HMCN1: variants seen among roughly 807,000 people sequenced by gnomAD.
HMCN1 encodes hemicentin-1.
HMCN1 carries 321 observed loss-of-function variants against 625.9 expected under a neutral mutation model. The ratio of observed to expected loss-of-function variants is 0.51; its 90% CI spans 0.47 to 0.56. The LOEUF (loss-of-function observed/expected upper bound fraction) is 0.56. Among genes scored for constraint, HMCN1 ranks in the 20% least tolerant of loss-of-function variants. The pLI is 0.00. For missense variants in HMCN1, 6,588 were observed against 6,887.3 expected (o/e 0.96, Z 1.54); for synonymous variants, 2,425 against 2,417.6 (o/e 1.00, Z -0.09).
At chr1:185,971,156 C>G (rs1322454181) in intron 15 of HMCN1, among the ~76,000 whole-genome samples, 2 of 152,090 alleles carry the variant, frequency 1.3e-5, no homozygotes, top group Non-Finnish European at 2.9e-5. Flanking sequence ...ATTCTGCCAC[C>G]GAATTTCTAA....
chr1:186,025,460 C>T (rs746130951), intron 36 of HMCN1, among the ~76,000 whole-genome samples: 17 of 152,286 alleles, frequency 1.1e-4, no homozygotes, highest in Non-Finnish European at 2.2e-4. Context: ...TCTCCTGAAA[C>T]AGCACCTCTA....
chr1:186,074,161 T>C lies in HMCN1; in HGVS notation c.8140-580T>C, dbSNP rs529879128. Among the ~76,000 whole-genome samples the C allele has an allele frequency of 3.9e-5, 6 of 152,190 alleles. No homozygotes were observed. The East Asian group carries it at 1.2e-3, about 29-fold the overall frequency. On this transcript the variant is annotated intron_variant, in intron 52 of 106. Coordinates refer to ENST00000271588, the MANE Select transcript of HMCN1 (RefSeq NM_031935.3). ...GAGATGTTCTATTAGCTATAGGCAA[T>C]GTTACTGATAAAACACCATAATACG...
At chr1:186,184,133 G>A (rs1195628403) in intron 105 of HMCN1, among the ~76,000 whole-genome samples, 1 of 152,162 alleles carries the variant, frequency 6.6e-6, no homozygotes, top group East Asian at 1.9e-4. Context: ...GCTACAGAGA[G>A]TGGAAAATGA....
chr1:185,744,948 C>T (rs1321669), intron 1 of HMCN1, among the ~76,000 whole-genome samples: 52,246 of 151,808 alleles, frequency 0.34, 10,382 homozygotes, highest in African/African-American at 0.54. Context: ...CCATCACAAT[C>T]CAGGGGGAAA....
chr1:185,972,146 T>C (rs1412452657), intron 15 of HMCN1, among the ~76,000 whole-genome samples: 2 of 152,254 alleles, frequency 1.3e-5, no homozygotes, highest in Non-Finnish European at 2.9e-5. Flanking sequence ...AGATATTTTA[T>C]GTTTACTCAA....
intron 6 of HMCN1, among the ~76,000 whole-genome samples, chr1:185,914,605 C>T (rs1166250219): frequency 2.0e-5 from 3 of 151,950 alleles, no homozygotes; most frequent in Admixed American, 2.0e-4. Context: ...TCTCTTACCC[C>T]ATGCTTTCTT....
At chr1:185,850,646 C>T (rs550245006) in intron 2 of HMCN1, among the ~76,000 whole-genome samples, 2 of 152,132 alleles carry the variant, frequency 1.3e-5, no homozygotes, top group Admixed American at 1.3e-4. Context: ...GATACAGACA[C>T]TCTATAAGAT....
chr1:186,119,406 A>T (rs1468292491), intron 78 of HMCN1, 108 bp downstream of exon 78: 3 of 876,472 alleles, frequency 3.4e-6, no homozygotes, highest in Non-Finnish European at 5.9e-6. Context: ...GAACCATAGT[A>T]ATATCTTGGG....
In HMCN1 at chr1:185,964,862, C is replaced by T. The variant is rs370426191; in HGVS notation, c.2099-940C>T. On this transcript the variant is annotated intron_variant, in intron 13 of 106. Transcript: ENST00000271588. ...ATAGCTTTAGGAAAGGCAAAGAAGA[C>T]AGGAGAGTAAAAGTCTGTTGTATTT... 5.3e-5 allele frequency among the ~76,000 whole-genome samples: 8 copies of T among 152,086 alleles called. No homozygotes were observed. The East Asian group carries it at 1.6e-3, about 29-fold the overall frequency.
At chr1:185,754,280 A>G (rs1165715311) in intron 1 of HMCN1, among the ~76,000 whole-genome samples, 1 of 152,174 alleles carries the variant, frequency 6.6e-6, no homozygotes, top group African/African-American at 2.4e-5. Flanking sequence ...GAATGGGAAG[A>G]TGTTGGTGAA....
Position 186,171,999 on chromosome 1 carries a change from T to G in HMCN1, c.15689-7T>G, listed in dbSNP as rs370901552. 17 of 1,612,988 alleles carry G rather than the reference T, an allele frequency of 1.1e-5. No homozygotes were observed. The South Asian group carries it at 1.9e-4, about 18-fold the overall frequency. On this transcript the variant is annotated splice_region_variant and splice_polypyrimidine_tract_variant and intron_variant, in intron 101 of 106. Coordinates refer to ENST00000271588, the MANE Select transcript of HMCN1 (RefSeq NM_031935.3). ...TTAATCTACATTACCTTTGTTCTTT[T>G]ATCAAGATGTGAACGAGTGTAGACA... is the stretch of plus-strand genomic sequence containing the variant.
chr1:186,184,773 T>C (rs944923656), intron 105 of HMCN1, among the ~76,000 whole-genome samples: 1 of 152,218 alleles, frequency 6.6e-6, no homozygotes, highest in African/African-American at 2.4e-5. Flanking sequence ...GCTGTTAATA[T>C]AAAAATTTTC....
intron 68 of HMCN1, among the ~76,000 whole-genome samples, chr1:186,097,908 C>T (rs1254094363): frequency 1.3e-5 from 2 of 152,076 alleles, no homozygotes; most frequent in Non-Finnish European, 2.9e-5. Flanking sequence ...GCATCTACAG[C>T]CACCTGATTT....
Position 185,917,031 on chromosome 1 carries a change from T to C in HMCN1, c.900+5251T>C, listed in dbSNP as rs115645715. Among the ~76,000 whole-genome samples the C allele has an allele frequency of 4.8e-3, 735 of 152,212 alleles. 6 individuals carry two copies. The highest frequency in any genetic ancestry group is 0.017 in the African/African-American group (714 of 41,526). ...GCAAGCTGTTATCATGGCCTAGTGG[T>C]ATACTAGAGCTAGCTCATAATGACT... On this transcript the variant is annotated intron_variant, in intron 6 of 106. Transcript: ENST00000271588.
intron 1 of HMCN1, among the ~76,000 whole-genome samples, chr1:185,797,682 T>TCTTTTTATAATGGTGGGTATTGACC (rs1390284925): frequency 6.1e-5 from 9 of 147,658 alleles, no homozygotes; most frequent in Middle Eastern, 3.4e-3. Flanking sequence ...TAAGACTTGT[T>TCTTTTTATAATGGTGGGTATTGACC]TTGGCCGGGC....
chr1:185,791,941 G>A (rs754774741), intron 1 of HMCN1, among the ~76,000 whole-genome samples: 1 of 152,228 alleles, frequency 6.6e-6, no homozygotes, highest in African/African-American at 2.4e-5. Context: ...AGGCCAACAG[G>A]AAATTGAAGG....
intron 93 of HMCN1, among the ~76,000 whole-genome samples, chr1:186,148,814 C>T (rs1297058337): frequency 6.6e-6 from 1 of 152,130 alleles, no homozygotes; most frequent in Non-Finnish European, 1.5e-5. Context: ...CTCTTTGATC[C>T]ATGGCTGCAG....
At position 185,747,329 on chromosome 1, in the gene HMCN1, T is replaced by A. The variant is rs115605558; in HGVS notation, c.268+12282T>A. ...ATTGTTAAAAACCTGTTACTTTTTTTTTTTTTTGAGACAGAGTTTTACTTC... is the reference window on the plus strand; with the variant it reads ...ATTGTTAAAAACCTGTTACTTTTTTATTTTTTTGAGACAGAGTTTTACTTC... On this transcript the variant is annotated intron_variant, in intron 1 of 106. Transcript: ENST00000271588. Among the ~76,000 whole-genome samples, 869 of 152,238 alleles carry A rather than the reference T, an allele frequency of 5.7e-3. 3 individuals carry two copies. Among genetic ancestry groups the A allele is most frequent in the African/African-American group, 0.02 (834 of 41,554 alleles).
chr1:186,111,983 G>A (rs925986017), intron 71 of HMCN1, among the ~76,000 whole-genome samples: 3 of 152,170 alleles, frequency 2.0e-5, no homozygotes, highest in Admixed American at 2.0e-4. Flanking sequence ...GGTACAATGA[G>A]AGAATATCAA....
Sources: gnomAD v4.1 joint callset for allele counts (sites outside exome capture counted in the v4.1 genomes callset) on GRCh38, gnomAD v4.1.1 for gene constraint, MANE v1.5 for transcripts, NCBI Gene and HGNC (gene_info 2026-07-23, HGNC 2026-07-21) for gene names.